Variants in ARK2C observed in about 807,000 individuals in gnomAD.
ARK2C encodes E3 ubiquitin-protein ligase ARK2C.
At chr18:46,395,409 C>T in the ARK2C span, among the ~76,000 whole-genome samples, 25 of 152,178 alleles carry the variant, frequency 1.6e-4, no homozygotes, top group Non-Finnish European at 2.8e-4. Context: ...GCATTCCTGG[C>T]ACCTCCCCAC....
the ARK2C span, chr18:46,447,395 T>G: frequency 1.4e-6 from 1 of 703,572 alleles, no homozygotes; most frequent in Non-Finnish European, 2.4e-6. Context: ...TCTGAGTCTC[T>G]GTTTCCTTCC....
chr18:46,397,963 T>G, the ARK2C span, among the ~76,000 whole-genome samples: 30 of 134,264 alleles, frequency 2.2e-4, 1 homozygote, highest in South Asian at 1.7e-3. Flanking sequence ...GCATGTGGGG[T>G]GTGTGTGTGT....
chr18:46,391,132 C>A, the ARK2C span, among the ~76,000 whole-genome samples: 1 of 152,148 alleles, frequency 6.6e-6, no homozygotes, highest in African/African-American at 2.4e-5. Context: ...TGGCACCAAT[C>A]GCCTCCATAA....
chr18:46,359,513 G>C, the ARK2C span, among the ~76,000 whole-genome samples: 9 of 152,190 alleles, frequency 5.9e-5, no homozygotes, highest in Admixed American at 6.5e-5. Flanking sequence ...CTTGTCCTGG[G>C]AATAGCAAGC....
chr18:46,436,376 G>A, the ARK2C span, among the ~76,000 whole-genome samples: 1 of 152,130 alleles, frequency 6.6e-6, no homozygotes, highest in Non-Finnish European at 1.5e-5. Context: ...TGACATTTGG[G>A]GAATCTGGGT....
chr18:46,372,119 G>C, the ARK2C span, among the ~76,000 whole-genome samples: 1 of 152,192 alleles, frequency 6.6e-6, no homozygotes, highest in Non-Finnish European at 1.5e-5. Context: ...GACAGTGCTG[G>C]TGGCTGGAGG....
At chr18:46,434,459 G>A in the ARK2C span, among the ~76,000 whole-genome samples, 1 of 152,134 alleles carries the variant, frequency 6.6e-6, no homozygotes, top group African/African-American at 2.4e-5. Flanking sequence ...TCTTTAATGC[G>A]TGGCTTAATA....
chr18:46,428,093 C>T, the ARK2C span, among the ~76,000 whole-genome samples: 1 of 152,108 alleles, frequency 6.6e-6, no homozygotes, highest in East Asian at 1.9e-4. Flanking sequence ...CTGTGGGAAA[C>T]AAGGAGAATG....
chr18:46,374,898 A>G, the ARK2C span, among the ~76,000 whole-genome samples: 1 of 152,288 alleles, frequency 6.6e-6, no homozygotes, highest in African/African-American at 2.4e-5. Flanking sequence ...AAGCCCCTTG[A>G]GTCTGACATT....
chr18:46,433,594 G>C, the ARK2C span: 1 of 1,166,308 alleles, frequency 8.6e-7, no homozygotes, highest in Non-Finnish European at 1.2e-6. Flanking sequence ...GGACGAGGGC[G>C]TGGCCCGGGT....
the ARK2C span, among the ~76,000 whole-genome samples, chr18:46,394,019 G>A: frequency 5.9e-5 from 9 of 152,338 alleles, no homozygotes; most frequent in Admixed American, 2.0e-4. Context: ...GGTGCAGCTC[G>A]CCTTAGGTAA....
chr18:46,456,299 A>G, the ARK2C span, among the ~76,000 whole-genome samples: 1 of 152,160 alleles, frequency 6.6e-6, no homozygotes, highest in Non-Finnish European at 1.5e-5. Flanking sequence ...GTGTAGGAGA[A>G]CAGTGTGGTG....
the ARK2C span, among the ~76,000 whole-genome samples, chr18:46,441,890 C>A: frequency 7.3e-6 from 1 of 137,530 alleles, no homozygotes; most frequent in Admixed American, 7.8e-5. Context: ...AGAGGCCGGG[C>A]GCGGTGGCTC....
the ARK2C span, chr18:46,460,406 C>T: frequency 6.6e-6 from 1 of 152,240 alleles, no homozygotes; most frequent in East Asian, 1.9e-4. Context: ...AAAAACATGG[C>T]ACGTTGCTAG....
chr18:46,449,108 T>C, the ARK2C span, among the ~76,000 whole-genome samples: 2 of 152,090 alleles, frequency 1.3e-5, no homozygotes, highest in Admixed American at 6.6e-5. Context: ...ATTAATCCTC[T>C]CAAAAACTCC....
chr18:46,364,619 G>A, the ARK2C span, among the ~76,000 whole-genome samples: 7 of 152,292 alleles, frequency 4.6e-5, no homozygotes, highest in South Asian at 2.1e-4. Flanking sequence ...GCTGGATTTT[G>A]TTTTCTTCAG....
At chr18:46,397,684 G>T in the ARK2C span, among the ~76,000 whole-genome samples, 1 of 143,130 alleles carries the variant, frequency 7.0e-6, no homozygotes, top group Non-Finnish European at 1.5e-5. Context: ...GTGTGTGTGT[G>T]TGGTTATGCT....
chr18:46,355,242 C>T, the ARK2C span, among the ~76,000 whole-genome samples: 15 of 152,150 alleles, frequency 9.9e-5, no homozygotes, highest in African/African-American at 2.4e-4. Context: ...CATGAGCCAC[C>T]GGGCCCGGCC....
chr18:46,382,995 C>A, the ARK2C span, among the ~76,000 whole-genome samples: 2 of 152,250 alleles, frequency 1.3e-5, no homozygotes, highest in African/African-American at 4.8e-5. Context: ...CCCCCACCCC[C>A]TGGGTCTGGA....
Sources: gnomAD v4.1 joint callset for allele counts (sites outside exome capture counted in the v4.1 genomes callset) on GRCh38, gnomAD v4.1.1 for gene constraint, MANE v1.5 for transcripts, NCBI Gene and HGNC (gene_info 2026-07-23, HGNC 2026-07-21) for gene names.